The following MUC4 variants were observed in gnomAD, a reference collection of about 807,000 sequenced individuals.
MUC4 encodes mucin-4.
In MUC4, 202 loss-of-function variants were observed where a neutral mutation model predicts 257.9. The observed-to-expected ratio is 0.78, with a 90% CI of 0.70 to 0.88. MUC4 has a LOEUF of 0.88. Ranked by LOEUF, MUC4 falls within the 40% of genes least tolerant of loss-of-function variation. MUC4 has a pLI of 0.00. For synonymous variants in MUC4, 2,351 were observed against 2,757.1 expected, an observed-to-expected ratio of 0.85 and a Z score of 4.62; for missense variants, 5,976 against 6,513.7, an observed-to-expected ratio of 0.92 and a Z score of 2.84.
chr3:195,793,632 T>C (rs1035029832), intron 1 of MUC4, among the ~76,000 whole-genome samples: 3 of 152,094 alleles, frequency 2.0e-5, no homozygotes, highest in Admixed American at 2.0e-4. Context: ...ATATAGCCAA[T>C]GGTCTTCTCC....
chr3:195,762,132 C>A lies in MUC4; in HGVS notation c.14467G>T (p.Ala4823Ser). 1 of 1,607,744 alleles carries A rather than the reference C, an allele frequency of 6.2e-7. No homozygotes were observed. Reference sequence around the variant, plus strand: ...TTCTGGTACTCGGGCGGGAGGCTGGCGGAGGCGTGGAGGATGTTGGAGAGC... The same window carrying A: ...TTCTGGTACTCGGGCGGGAGGCTGGAGGAGGCGTGGAGGATGTTGGAGAGC... ...IALSNILHAS[A>S]SLPPEYQNRT... is the part of the protein sequence containing the mutation. The change falls in exon 14 of 25, where the codon GCC becomes TCC. Residue 4823 changes from alanine to serine, a missense_variant. Around this residue, in one of 44 missense-constraint regions of MUC4, gnomAD observed 996 missense variants for 1,137.3 expected, o/e 0.88. Coordinates refer to ENST00000463781, the MANE Select transcript of MUC4 (RefSeq NM_018406.7).
intron 15 of MUC4, 36 bp from the exon 16 acceptor site, chr3:195,761,153 C>T (rs1430896100): frequency 6.3e-7 from 1 of 1,578,324 alleles, no homozygotes. Flanking sequence ...CCAGGCATGG[C>T]ACTCAGCCTT....
Position 195,784,969 on chromosome 3 carries a change from C to G in MUC4, c.6611G>C (p.Gly2204Ala). Reference protein sequence around the residue: ...PVTDTSSASTGQATPLPVTSP... With the variant: ...PVTDTSSASTAQATPLPVTSP... Reference sequence around the variant, plus strand: ...GGTGACAGGAAGAGGGGTGGCCTGACCTGTGGATGCTGAGGAAGTGTCGGT... The same window carrying G: ...GGTGACAGGAAGAGGGGTGGCCTGAGCTGTGGATGCTGAGGAAGTGTCGGT... Residue 2204 changes from glycine (G) to alanine (A), a missense_variant, in exon 2 of 25, where the codon GGT (glycine) becomes GCT (alanine). Physicochemically the swap from Gly to Ala is moderately conservative, Grantham distance 60 (BLOSUM62 0). Transcript: ENST00000463781. 2 of 1,278,762 alleles carry G rather than the reference C, an allele frequency of 1.6e-6. No homozygotes were observed. The highest frequency in any genetic ancestry group is 2.2e-6 in the Non-Finnish European group (2 of 913,912). 79.2% of individuals were successfully genotyped at this position (1,278,762 alleles called of 1,614,324 possible). A position where few individuals can be genotyped will look rare whatever the true frequency, so the allele number is the denominator to read the frequency against.
At chr3:195,804,348 C>T (rs962999493) in intron 1 of MUC4, among the ~76,000 whole-genome samples, 3 of 152,232 alleles carry the variant, frequency 2.0e-5, no homozygotes, top group Admixed American at 2.0e-4. Context: ...CCAGATGGCC[C>T]CTCTGGTGAC....
intron 20 of MUC4, 68 bp from the exon 21 acceptor site, chr3:195,752,514 G>A (rs527458768): frequency 3.6e-5 from 51 of 1,418,326 alleles, no homozygotes; most frequent in African/African-American, 2.7e-4. Context: ...AAAGTCTGTC[G>A]GGCCAGCCCA....
intron 3 of MUC4, among the ~76,000 whole-genome samples, chr3:195,776,069 C>G (rs1420971381): frequency 3.5e-5 from 1 of 28,636 alleles, no homozygotes; most frequent in African/African-American, 2.0e-4. Context: ...ACCTTCCACA[C>G]CCTTACCTTC....
chr3:195,769,413 G>A (rs1722316510), intron 6 of MUC4: 1 of 468,518 alleles, frequency 2.1e-6, no homozygotes, highest in Non-Finnish European at 3.8e-6. Context: ...AAGGGTTCTG[G>A]GTTACAATTC....
rs202180756 is a variant in MUC4, at chr3:195,783,950, A to G, written c.7630T>C (p.Ser2544Pro). The stretch of plus-strand genomic sequence containing the variant: ...GAGGAAGGGCTGGTGACATGAAGAG[A>G]GGTGGCGTGACGTGTGGATAATGAG... ...ASSLSTRHAT[S>P]LHVTSPSSAS... The change falls in exon 2 of 25, where the codon TCT becomes CCT. Residue 2544 changes from serine (S) to proline (P), a missense_variant. Transcript: ENST00000463781. The G allele has an allele frequency of 0.02, 28,840 of 1,409,008 alleles. 550 individuals carry two copies. Among genetic ancestry groups the G allele is most frequent in the South Asian group, 0.038 (2,938 of 77,910 alleles). 87.3% of individuals were successfully genotyped at this position (1,409,008 alleles called of 1,614,324 possible). A position where few individuals can be genotyped will look rare whatever the true frequency, so the allele number is the denominator to read the frequency against.
Position 195,770,283 on chromosome 3 carries a change from T to C in MUC4, c.13331A>G (p.Lys4444Arg), listed in dbSNP as rs1353340671. The C allele has an allele frequency of 6.2e-7, 1 of 1,614,074 alleles. No homozygotes were observed. The highest frequency in any genetic ancestry group is 8.5e-7 in the Non-Finnish European group (1 of 1,179,990). Reference protein sequence around the residue: ...IRKMTNNGGYKARWALKVTWV... With the variant: ...IRKMTNNGGYRARWALKVTWV... Reference sequence around the variant, plus strand: ...CGTGACCTTTAGGGCCCACCTGGCCTTGTAGCCCCCGTTGTTTGTCATCTT... The same window carrying C: ...CGTGACCTTTAGGGCCCACCTGGCCCTGTAGCCCCCGTTGTTTGTCATCTT... Residue 4444 changes from lysine to arginine, a missense_variant, in exon 6 of 25, where the codon AAG (lysine) becomes AGG (arginine). Coordinates refer to ENST00000463781, the MANE Select transcript of MUC4 (RefSeq NM_018406.7).
rs1374526236 is a variant in MUC4 at position 195,786,386 on chromosome 3, T to C, written c.5194A>G (p.Thr1732Ala). 6.5e-7 allele frequency: 1 copy of C among 1,530,444 alleles called. No homozygotes were observed. The highest frequency in any genetic ancestry group is 8.8e-7 in the Non-Finnish European group (1 of 1,134,854). The allele number at this position is 1,530,444 out of a possible 1,614,324, so 94.8% of individuals were successfully genotyped here. Residue 1732 changes from threonine to alanine, a missense_variant, in exon 2 of 25, where the codon ACT becomes GCT. Physicochemically the swap from Thr to Ala is moderately conservative, Grantham distance 58 (BLOSUM62 0). Transcript: ENST00000463781. ...CCTGTGGATGCTGAGGAAGGGCTAG[T>C]GACAGGAAGAGGCGTGGTGTCACCT... is the stretch of plus-strand genomic sequence containing the variant. The part of the protein sequence containing the change: ...STGDTTPLPV[T>A]SPSSASTGHA...
intron 13 of MUC4, among the ~76,000 whole-genome samples, 189 bp from the exon 14 acceptor site, chr3:195,762,443 T>TGGCCCTGCACCGCCACGCACCG (rs1434692442): frequency 1.7e-5 from 2 of 116,896 alleles, no homozygotes; most frequent in African/African-American, 3.0e-5. Context: ...TGCGCTCTCT[T>TGGCCCTGCACCGCCACGCACCG]GGCCCTGCAC....
chr3:195,750,687 A>G (rs1226910404), intron 23 of MUC4: 5 of 594,192 alleles, frequency 8.4e-6, no homozygotes, highest in Non-Finnish European at 1.5e-5. Flanking sequence ...TGCTCCGTGA[A>G]GCTGTATACG....
intron 1 of MUC4, among the ~76,000 whole-genome samples, chr3:195,804,490 G>A (rs1051699065): frequency 6.6e-6 from 1 of 152,270 alleles, no homozygotes; most frequent in African/African-American, 2.4e-5. Flanking sequence ...AAAGCCTGCG[G>A]CTTTCTAAGT....
chr3:195,748,211 T>C (rs73203986), intron 24 of MUC4, among the ~76,000 whole-genome samples: 13,072 of 150,728 alleles, frequency 0.087, 150 homozygotes, highest in Middle Eastern at 0.19. Flanking sequence ...GACACAGGAC[T>C]GCAGGTTCTT....
At chr3:195,761,460 C>T (rs1218596825) in intron 15 of MUC4, 24 bp downstream of exon 15, 1 of 1,592,572 alleles carries the variant, frequency 6.3e-7, no homozygotes, top group Non-Finnish European at 8.6e-7. Context: ...TGCCCCTCTG[C>T]CCCAGGACCC....
At chr3:195,808,704 C>T (rs977686048) in intron 1 of MUC4, among the ~76,000 whole-genome samples, 5 of 152,204 alleles carry the variant, frequency 3.3e-5, no homozygotes, top group African/African-American at 1.2e-4. Flanking sequence ...CTGCTCTTCC[C>T]TGTGCACCTT....
chr3:195,761,517 G>T lies in MUC4; in HGVS notation c.14581C>A (p.Pro4861Thr), dbSNP rs775078554. 1.2e-6 allele frequency: 2 copies of T among 1,614,028 alleles called. No individual in the cohort carries two copies. Among genetic ancestry groups the T allele is most frequent in the South Asian group, 1.1e-5 (1 of 91,090 alleles). Reference protein sequence around the residue: ...PNGSTIPPGSPEEMLFHFGMT... With the variant: ...PNGSTIPPGSTEEMLFHFGMT... ...CCAAAGTGGAAAAGCATCTCCTCAG[G>T]GCTCCCTGGGGGAATGGTGGAGCCA... Residue 4861 changes from proline to threonine, a missense_variant, in exon 15 of 25, where the codon CCT (proline) becomes ACT (threonine). By Grantham distance (38) the Pro-to-Thr change is conservative. Transcript: ENST00000463781.
At position 195,781,123 on chromosome 3, in the gene MUC4, G is replaced by T. The variant is rs534331968; in HGVS notation, c.10457C>A (p.Thr3486Asn). 129 of 1,482,112 alleles carry T rather than the reference G, an allele frequency of 8.7e-5. 1 individual carries two copies. The highest frequency in any genetic ancestry group is 1.0e-4 in the Non-Finnish European group (112 of 1,102,744). The allele number at this position is 1,482,112 out of a possible 1,614,324, so 91.8% of individuals were successfully genotyped here. A position where few individuals can be genotyped will look rare whatever the true frequency, so the allele number is the denominator to read the frequency against. ...TSPSSASTGH[T>N]TPLHVTIPSS... ...AGGGATGGTGACATGAAGAGGGGTG[G>T]TGTGACCTGTAGATGCTGAGGAAGG... is the stretch of plus-strand genomic sequence containing the variant. Residue 3486 changes from threonine to asparagine, a missense_variant, in exon 2 of 25, where the codon ACC becomes AAC. Around this residue, in one of 44 missense-constraint regions of MUC4, gnomAD observed 297 missense variants for 240.9 expected, o/e 1.23. Transcript: ENST00000463781.
In MUC4 at chr3:195,779,636, C is replaced by G; in HGVS notation, c.11944G>C (p.Ala3982Pro). 1 of 538,052 alleles carries G rather than the reference C, an allele frequency of 1.9e-6. No individual in the cohort carries two copies. 33.3% of individuals were successfully genotyped at this position (538,052 alleles called of 1,614,324 possible). A position where few individuals can be genotyped will look rare whatever the true frequency, so the allele number is the denominator to read the frequency against. Residue 3982 changes from alanine to proline, a missense_variant, in exon 2 of 25, where the codon GCC becomes CCC. Ala to Pro is a conservative substitution (Grantham distance 27). Around this residue, in one of 44 missense-constraint regions of MUC4, gnomAD observed 293 missense variants for 294.5 expected, o/e 1.00. Transcript: ENST00000463781. ...GTGTCGGTGACAGGAAGGGGGGTGG[C>G]GTGACCTGTGGATGCTGAGGAACGG... ...TSRSSASTGH[A>P]TPLPVTDTSS...
Sources: allele counts gnomAD v4.1 joint callset (sites outside exome capture counted in the v4.1 genomes callset), GRCh38; gene constraint gnomAD v4.1.1; regional missense constraint gnomAD v4.1.1; transcripts MANE v1.5; gene names NCBI Gene and HGNC (gene_info 2026-07-23, HGNC 2026-07-21).